The following RGS6 variants were observed in gnomAD, a reference collection of about 807,000 sequenced individuals.
The protein encoded by RGS6 is regulator of G-protein signaling 6.
In RGS6, 30 loss-of-function variants were observed where a neutral mutation model predicts 78.5. The observed-to-expected ratio is 0.38, with a 90% CI of 0.29 to 0.52. RGS6 has a LOEUF of 0.52. RGS6 is among the 20% of genes least tolerant of loss of function. RGS6 has a pLI of 0.85. For synonymous variants in RGS6, 206 were observed against 206.0 expected, an observed-to-expected ratio of 1.00 and a Z score of 0.00; for missense variants, 495 against 609.7, an observed-to-expected ratio of 0.81 and a Z score of 1.98.
chr14:72,566,944 C>T (rs1237700549), downstream of RGS6, among the ~76,000 whole-genome samples: 3 of 152,154 alleles, frequency 2.0e-5, no homozygotes, highest in African/African-American at 4.8e-5. Context: ...GCTTCTTACA[C>T]AGAGTCTCGG....
chr14:71,994,223 G>A (rs371768973), intron 2 of RGS6, among the ~76,000 whole-genome samples: 5 of 151,812 alleles, frequency 3.3e-5, no homozygotes, highest in East Asian at 1.9e-4. Context: ...TCAGTCTCCC[G>A]CTGTTAGAAT....
chr14:72,500,389 G>A (rs939897008), intron 13 of RGS6, among the ~76,000 whole-genome samples: 5 of 152,328 alleles, frequency 3.3e-5, no homozygotes, highest in African/African-American at 1.2e-4. Context: ...AAAAAACAGG[G>A]TGGAATCAGT....
intron 2 of RGS6, among the ~76,000 whole-genome samples, chr14:72,105,717 G>A (rs555772348): frequency 6.6e-6 from 1 of 152,278 alleles, no homozygotes; most frequent in East Asian, 1.9e-4. Context: ...GAGAATAAAT[G>A]TTGAGAAGAT....
intron 2 of RGS6, among the ~76,000 whole-genome samples, chr14:72,138,230 A>G (rs537903792): frequency 1.3e-5 from 2 of 152,186 alleles, no homozygotes; most frequent in Non-Finnish European, 2.9e-5. Context: ...AATATAAGCT[A>G]CATCACCTGT....
intron 2 of RGS6, among the ~76,000 whole-genome samples, chr14:72,225,818 A>G (rs2048001613): frequency 6.6e-6 from 1 of 152,248 alleles, no homozygotes; most frequent in Non-Finnish European, 1.5e-5. Flanking sequence ...ATCTATTTCA[A>G]TAAGTTCCAT....
chr14:72,423,236 TAGAC>T (rs1289546911), intron 3 of RGS6, among the ~76,000 whole-genome samples: 1 of 152,152 alleles, frequency 6.6e-6, no homozygotes, highest in African/African-American at 2.4e-5. Flanking sequence ...AGTCGTGAAA[TAGAC>T]AGAAATTTGT....
At chr14:71,994,909 C>G (rs1194438477) in intron 2 of RGS6, among the ~76,000 whole-genome samples, 2 of 152,064 alleles carry the variant, frequency 1.3e-5, no homozygotes, top group African/African-American at 4.8e-5. Flanking sequence ...TTGCTGTGGC[C>G]CCAAGAAAGT....
intron 2 of RGS6, among the ~76,000 whole-genome samples, chr14:72,210,794 G>C (rs2043921284): frequency 6.6e-6 from 1 of 151,120 alleles, no homozygotes; most frequent in Admixed American, 6.6e-5. Context: ...TCTTTCCCCT[G>C]TTTTTTTCTA....
At chr14:71,949,780 AT>A (rs3053024) in intron 1 of RGS6, among the ~76,000 whole-genome samples, 453 of 128,800 alleles carry the variant, frequency 3.5e-3, no homozygotes, top group Middle Eastern at 0.029. Flanking sequence ...TAGAAGCTCT[AT>A]TTTTTTTTTT....
At position 72,540,024 on chromosome 14, in the gene RGS6, T is replaced by TC. The variant is rs1344266769; in HGVS notation, c.1369-17_1369-16insC. The TC allele has an allele frequency of 1.9e-6, 3 of 1,539,128 alleles. No individual in the cohort carries two copies. The East Asian group carries it at 6.8e-5, about 35-fold the overall frequency. On this transcript the variant is annotated splice_polypyrimidine_tract_variant and intron_variant, in intron 16 of 17. Transcript: ENST00000553525. Reference sequence around the variant, plus strand: ...TTTCTGTATTTTTCTCCCTACCCTTTTTTTTTTTTCCTAAAGCCAGAAAGT... The same window carrying TC: ...TTTCTGTATTTTTCTCCCTACCCTTTCTTTTTTTTTCCTAAAGCCAGAAAGT...
chr14:72,091,351 G>T (rs77970327), intron 2 of RGS6, among the ~76,000 whole-genome samples: 2,839 of 152,310 alleles, frequency 0.019, 32 homozygotes, highest in Middle Eastern at 0.037. Flanking sequence ...CTCACGTGAA[G>T]AGAGCATTAG....
intron 2 of RGS6, among the ~76,000 whole-genome samples, chr14:72,021,139 C>A (rs899265403): frequency 2.0e-5 from 3 of 152,178 alleles, no homozygotes; most frequent in African/African-American, 7.2e-5. Context: ...GAACCCTGAT[C>A]CTTCTCTTCA....
intron 2 of RGS6, among the ~76,000 whole-genome samples, chr14:72,309,140 G>A (rs2067952065): frequency 6.6e-6 from 1 of 152,150 alleles, no homozygotes; most frequent in Admixed American, 6.5e-5. Context: ...CTATACAGAA[G>A]CATTTCATGT....
At chr14:71,879,576 C>G in the RGS6 span, among the ~76,000 whole-genome samples, 1 of 152,026 alleles carries the variant, frequency 6.6e-6, no homozygotes, top group South Asian at 2.1e-4. Context: ...ATGCTTTTCT[C>G]GTGGTAGTGA....
At chr14:71,871,521 A>G in the RGS6 span, among the ~76,000 whole-genome samples, 18 of 152,014 alleles carry the variant, frequency 1.2e-4, no homozygotes, top group Admixed American at 3.9e-4. Flanking sequence ...CCTCTTTTGA[A>G]AGCTAATTCC....
chr14:72,393,831 G>A (rs2090553449), intron 3 of RGS6, among the ~76,000 whole-genome samples: 1 of 152,170 alleles, frequency 6.6e-6, no homozygotes, highest in South Asian at 2.1e-4. Context: ...GTCTCAGAAT[G>A]CATTGTTCAG....
chr14:72,561,673 G>T (rs2097678344), intron 17 of RGS6, among the ~76,000 whole-genome samples: 1 of 152,208 alleles, frequency 6.6e-6, no homozygotes. Flanking sequence ...TCATGATCCA[G>T]TTCACTGTTT....
intron 2 of RGS6, among the ~76,000 whole-genome samples, chr14:72,068,581 T>C (rs2094276504): frequency 6.8e-6 from 1 of 147,470 alleles, no homozygotes; most frequent in Non-Finnish European, 1.5e-5. Context: ...AGCTGTAACC[T>C]CTGCGTCCCA....
At chr14:72,375,397 G>A (rs2084440455) in intron 3 of RGS6, among the ~76,000 whole-genome samples, 2 of 152,184 alleles carry the variant, frequency 1.3e-5, no homozygotes, top group Non-Finnish European at 2.9e-5. Context: ...AGGGCCAGCT[G>A]AGGAGACTTC....
Sources: allele counts gnomAD v4.1 joint callset (sites outside exome capture counted in the v4.1 genomes callset), GRCh38; gene constraint gnomAD v4.1.1; transcripts MANE v1.5; gene names NCBI Gene and HGNC (gene_info 2026-07-23, HGNC 2026-07-21).